DHRS7C: variants seen among roughly 807,000 people sequenced by gnomAD.
The protein encoded by DHRS7C is dehydrogenase/reductase 7C.
DHRS7C carries 28 observed loss-of-function variants against 29.6 expected under a neutral mutation model. The ratio of observed to expected loss-of-function variants is 0.95; its 90% CI spans 0.70 to 1.30. The LOEUF (loss-of-function observed/expected upper bound fraction) is 1.30, where lower values mean the gene tolerates loss of function less well. Ranked by LOEUF, DHRS7C falls within the 50% of genes most tolerant of loss-of-function variation. The pLI, the probability that DHRS7C is intolerant of heterozygous loss-of-function variation, is 0.00. For synonymous variants in DHRS7C, 158 were observed against 160.2 expected (o/e 0.99, Z 0.10); for missense variants, 403 against 393.3 (o/e 1.02, Z -0.21).
intron 1 of DHRS7C, among the ~76,000 whole-genome samples, chr17:9,787,237 C>T (rs546301892): frequency 5.1e-4 from 77 of 152,256 alleles, no homozygotes; most frequent in Non-Finnish European, 9.8e-4. Context: ...TGAGCCACTG[C>T]ACCTGGCCAG....
intron 1 of DHRS7C, among the ~76,000 whole-genome samples, chr17:9,790,640 T>C (rs1458247178): frequency 1.3e-5 from 2 of 152,232 alleles, no homozygotes; most frequent in East Asian, 3.8e-4. Flanking sequence ...CTAAGTGCTA[T>C]CCATCTATGA....
intron 5 of DHRS7C, among the ~76,000 whole-genome samples, chr17:9,772,509 C>T (rs1277936927): frequency 6.6e-6 from 1 of 152,124 alleles, no homozygotes; most frequent in African/African-American, 2.4e-5. Context: ...AGTTGCTTGC[C>T]GAGGTGGCAG....
Position 9,781,593 on chromosome 17 carries a change from C to T in DHRS7C, c.156G>A (p.Glu52=), listed in dbSNP as rs1010824124. Residue 52 remains glutamate, a splice_region_variant and synonymous_variant, in exon 2 of 6, where the codon GAG becomes GAA. Coordinates refer to ENST00000571134, the MANE Select transcript of DHRS7C (RefSeq NM_001105571.3). ...CACCTGTGTGGAACACCCGAGCACA[C>T]TCTGTGGGGAAGAAGGAAACAGGGC... ...ITDAISGLGK[E]CARVFHTGGA... The T allele has an allele frequency of 2.5e-6, 4 of 1,613,682 alleles. No homozygotes were observed. The Admixed American group carries it at 5.0e-5, about 20-fold the overall frequency.
intron 1 of DHRS7C, among the ~76,000 whole-genome samples, chr17:9,787,725 G>T (rs73253105): frequency 0.15 from 22,910 of 151,656 alleles, 1,907 homozygotes; most frequent in Non-Finnish European, 0.2. Flanking sequence ...TAATTTTTTT[G>T]GGGACAGGGT....
chr17:9,781,708 G>A (rs545824535), intron 1 of DHRS7C, 114 bp from the exon 2 acceptor site: 575 of 998,430 alleles, frequency 5.8e-4, no homozygotes, highest in Non-Finnish European at 7.9e-4. Flanking sequence ...TTAGCACCAC[G>A]AGGTCCTTTA....
intron 1 of DHRS7C, among the ~76,000 whole-genome samples, chr17:9,790,694 G>C (rs1347294764): frequency 6.6e-6 from 1 of 152,216 alleles, no homozygotes; most frequent in East Asian, 1.9e-4. Flanking sequence ...AGAGACTGCT[G>C]TTATCCTCGC....
At position 9,789,215 on chromosome 17, in the gene DHRS7C, G is replaced by A. The variant is rs899728928; in HGVS notation, c.154+1916C>T. On this transcript the variant is annotated intron_variant, in intron 1 of 5. Coordinates refer to ENST00000571134, the MANE Select transcript of DHRS7C (RefSeq NM_001105571.3). Reference sequence around the variant, plus strand: ...CACATTTGTAGGACAACGGCAGAACGTACATTCTTGTCAAGCACTCGCAGA... The same window carrying A: ...CACATTTGTAGGACAACGGCAGAACATACATTCTTGTCAAGCACTCGCAGA... Among the ~76,000 whole-genome samples the A allele has an allele frequency of 4.6e-5, 7 of 152,248 alleles. 1 individual carries two copies. The Middle Eastern group carries it at 0.01, about 222-fold the overall frequency.
intron 1 of DHRS7C, among the ~76,000 whole-genome samples, chr17:9,783,536 G>A (rs2066405286): frequency 6.6e-6 from 1 of 152,154 alleles, no homozygotes; most frequent in Non-Finnish European, 1.5e-5. Flanking sequence ...AAAATATATT[G>A]TAAAACTACA....
intron 1 of DHRS7C, among the ~76,000 whole-genome samples, chr17:9,789,109 CTG>C (rs1019054372): frequency 1.3e-5 from 2 of 152,154 alleles, no homozygotes; most frequent in African/African-American, 4.8e-5. Context: ...ATCAGTAAAA[CTG>C]TATTTCTACC....
intron 5 of DHRS7C, 61 bp downstream of exon 5, chr17:9,772,706 C>A (rs2066337532): frequency 6.3e-7 from 1 of 1,576,986 alleles, no homozygotes; most frequent in African/African-American, 1.4e-5. Context: ...ATTCATCCCC[C>A]CAGTGACACC....
chr17:9,772,704 C>T, intron 5 of DHRS7C, 63 bp downstream of exon 5: 1 of 1,573,910 alleles, frequency 6.4e-7, no homozygotes. Flanking sequence ...TCATTCATCC[C>T]CCCAGTGACA....
rs1203143886 is a variant in DHRS7C, at chr17:9,787,803, G to A, written c.154+3328C>T. Among the ~76,000 whole-genome samples, 5 of 152,236 alleles carry A rather than the reference G, an allele frequency of 3.3e-5. No individual in the cohort carries two copies. The East Asian group carries it at 9.7e-4, about 29-fold the overall frequency. ...GCTCCCTGCAACCTCCGCCTCCCGG[G>A]CTCAAACGATCCTCCCACCTCAGCC... is the stretch of plus-strand genomic sequence containing the variant. On this transcript the variant is annotated intron_variant, in intron 1 of 5. Coordinates refer to ENST00000571134, the MANE Select transcript of DHRS7C (RefSeq NM_001105571.3).
chr17:9,780,508 A>G (rs1475874268), intron 2 of DHRS7C, among the ~76,000 whole-genome samples: 1 of 152,204 alleles, frequency 6.6e-6, no homozygotes, highest in Non-Finnish European at 1.5e-5. Flanking sequence ...AATATTTTTG[A>G]AGCACCTACT....
At chr17:9,790,269 C>G (rs2066447511) in intron 1 of DHRS7C, among the ~76,000 whole-genome samples, 1 of 152,072 alleles carries the variant, frequency 6.6e-6, no homozygotes, top group Admixed American at 6.6e-5. Context: ...GGGATCTATG[C>G]TCTATTAAAA....
rs547509926 is a variant in DHRS7C, at chr17:9,791,234, G to A, written c.51C>T (p.Ser17=). The change falls in exon 1 of 6, where the codon AGC becomes AGT. Residue 17 remains serine (S), a synonymous_variant. Transcript: ENST00000571134. ...LMLPLLLLGI[S]GLLFIYQEVS... is the part of the protein sequence containing the mutation. ...CCTCTTGGTAAATGAAGAGGAGGCC[G>A]CTGATTCCCAGCAGCAGCAGGGGGA... The A allele has an allele frequency of 1.1e-5, 18 of 1,613,588 alleles. No homozygotes were observed. Among genetic ancestry groups the A allele is most frequent in the East Asian group, 4.5e-5 (2 of 44,870 alleles).
Position 9,772,748 on chromosome 17 carries a change from C to A in DHRS7C, c.727+19G>T, listed in dbSNP as rs370271697. 7.5e-5 allele frequency: 121 copies of A among 1,612,816 alleles called. No individual in the cohort carries two copies. In the African/African-American group the frequency reaches 1.5e-3, roughly 20 times the overall value. The stretch of plus-strand genomic sequence containing the variant: ...TTCCCGAGGCCCCCAGGGGCCCCAG[C>A]TTCCCTCTGAAGTCTCACATTTCCA... On this transcript the variant is annotated intron_variant, in intron 5 of 5. Coordinates refer to ENST00000571134, the MANE Select transcript of DHRS7C (RefSeq NM_001105571.3).
At chr17:9,789,998 T>C (rs1036061750) in intron 1 of DHRS7C, among the ~76,000 whole-genome samples, 2 of 152,204 alleles carry the variant, frequency 1.3e-5, no homozygotes, top group African/African-American at 2.4e-5. Context: ...CTTTGTTTTT[T>C]ATCTTAACAA....
chr17:9,776,169 C>T (rs2066361543), intron 4 of DHRS7C, among the ~76,000 whole-genome samples: 1 of 152,154 alleles, frequency 6.6e-6, no homozygotes, highest in Non-Finnish European at 1.5e-5. Context: ...TGCCATTGCA[C>T]TCCAGCCTGG....
At chr17:9,782,488 T>A (rs765834218) in intron 1 of DHRS7C, among the ~76,000 whole-genome samples, 5 of 152,140 alleles carry the variant, frequency 3.3e-5, no homozygotes, top group Non-Finnish European at 7.4e-5. Context: ...TAAACTCCAT[T>A]GCAGAGCTGG....
Sources: allele counts gnomAD v4.1 joint callset (sites outside exome capture counted in the v4.1 genomes callset), GRCh38; gene constraint gnomAD v4.1.1; transcripts MANE v1.5; gene names NCBI Gene and HGNC (gene_info 2026-07-23, HGNC 2026-07-21).